The following LRP1B variants were observed in gnomAD, a reference collection of about 807,000 sequenced individuals.
LRP1B encodes low-density lipoprotein receptor-related protein 1B.
In LRP1B, 217 loss-of-function variants were observed where a neutral mutation model predicts 556.6. That is an observed-to-expected ratio of 0.39 (90% CI 0.35 to 0.44). The LOEUF is 0.44. LRP1B is among the 20% of genes least tolerant of loss of function. LRP1B has a pLI of 1.00. For missense variants in LRP1B, 5,053 were observed against 5,620.8 expected, an observed-to-expected ratio of 0.90 and a Z score of 3.23; for synonymous variants, 2,047 against 1,865.8, an observed-to-expected ratio of 1.10 and a Z score of -2.50.
chr2:140,498,935 ATAT>A (rs1689064592), intron 55 of LRP1B, among the ~76,000 whole-genome samples: 1 of 151,828 alleles, frequency 6.6e-6, no homozygotes, highest in Admixed American at 6.6e-5. Context: ...TAGGTGTTTT[ATAT>A]TATTAACTAG....
intron 25 of LRP1B, among the ~76,000 whole-genome samples, chr2:140,870,787 A>G (rs1016313941): frequency 2.6e-5 from 4 of 152,266 alleles, no homozygotes; most frequent in East Asian, 1.9e-4. Context: ...TTGCTAAATT[A>G]CCTTGTAAAA....
At chr2:141,534,834 C>A (rs1015470268) in intron 2 of LRP1B, among the ~76,000 whole-genome samples, 1 of 152,114 alleles carries the variant, frequency 6.6e-6, no homozygotes, top group African/African-American at 2.4e-5. Context: ...CACTTCAGGG[C>A]ATGGGGCTGA....
chr2:141,328,370 G>C (rs1490284060), intron 3 of LRP1B, among the ~76,000 whole-genome samples: 1 of 152,062 alleles, frequency 6.6e-6, no homozygotes, highest in Non-Finnish European at 1.5e-5. Context: ...ACTATCTATA[G>C]AACATTTAGA....
chr2:140,290,393 TAAG>T (rs1371584994), intron 84 of LRP1B, among the ~76,000 whole-genome samples: 3 of 152,052 alleles, frequency 2.0e-5, no homozygotes, highest in Non-Finnish European at 4.4e-5. Flanking sequence ...CAAGGGATGA[TAAG>T]AACCTGAATG....
At chr2:141,117,184 TAGAA>T (rs994513041) in intron 7 of LRP1B, among the ~76,000 whole-genome samples, 2 of 151,716 alleles carry the variant, frequency 1.3e-5, no homozygotes, top group Admixed American at 1.3e-4. Flanking sequence ...ATTTTATAAA[TAGAA>T]AGATAATATT....
intron 41 of LRP1B, among the ~76,000 whole-genome samples, chr2:140,634,933 A>G (rs1014405599): frequency 2.0e-5 from 3 of 152,148 alleles, no homozygotes; most frequent in African/African-American, 7.2e-5. Flanking sequence ...AATTAAAGAA[A>G]TCAAAGAAAA....
chr2:141,399,455 C>T (rs571063248), intron 3 of LRP1B, among the ~76,000 whole-genome samples: 1 of 152,232 alleles, frequency 6.6e-6, no homozygotes, highest in African/African-American at 2.4e-5. Context: ...TCCTCCCTTT[C>T]TGCAGAGCAT....
chr2:140,457,662 A>AT lies in LRP1B; in HGVS notation c.9626-12_9626-11insA. On this transcript the variant is annotated splice_polypyrimidine_tract_variant and intron_variant, in intron 60 of 90. Transcript: ENST00000389484. Reference sequence around the variant, plus strand: ...TATCTTGATTAGGGACTGTAATAGGAGATGGTAAGATTAATGTTCAGTCTT... The same window carrying AT: ...TATCTTGATTAGGGACTGTAATAGGATGATGGTAAGATTAATGTTCAGTCTT... The AT allele has an allele frequency of 6.2e-7, 1 of 1,602,026 alleles. No homozygotes were observed.
intron 2 of LRP1B, among the ~76,000 whole-genome samples, chr2:141,595,814 A>T: frequency 6.6e-6 from 1 of 152,064 alleles, no homozygotes; most frequent in East Asian, 1.9e-4. Flanking sequence ...AGCTCATGTC[A>T]GAAGAATATC....
At chr2:141,179,536 T>G (rs1031239200) in intron 7 of LRP1B, among the ~76,000 whole-genome samples, 6 of 152,010 alleles carry the variant, frequency 3.9e-5, no homozygotes, top group Admixed American at 3.9e-4. Context: ...CTGGGGTACA[T>G]TTTATCTGTA....
intron 2 of LRP1B, among the ~76,000 whole-genome samples, chr2:141,704,393 T>A (rs562337907): frequency 5.1e-4 from 77 of 152,098 alleles, no homozygotes; most frequent in African/African-American, 1.8e-3. Context: ...AAGTGCCTTC[T>A]CAATCATCAA....
intron 2 of LRP1B, among the ~76,000 whole-genome samples, chr2:141,543,228 G>A (rs1459756696): frequency 6.6e-6 from 1 of 151,898 alleles, no homozygotes; most frequent in Admixed American, 6.6e-5. Context: ...ATTATACAAG[G>A]CCAATCATGG....
rs1400004033 is a variant in LRP1B, at chr2:140,988,486, G to C, written c.2770+1046C>G. The stretch of plus-strand genomic sequence containing the variant: ...AGGACTCTGGAATGATGGCTGTTTT[G>C]CTCTTGCCAGTGTTGTTTTGTACAT... On this transcript the variant is annotated intron_variant, in intron 17 of 90. Coordinates refer to ENST00000389484, the MANE Select transcript of LRP1B (RefSeq NM_018557.3). Among the ~76,000 whole-genome samples, 6 of 152,114 alleles carry C rather than the reference G, an allele frequency of 3.9e-5. No homozygotes were observed. The South Asian group carries it at 1.2e-3, about 32-fold the overall frequency.
chr2:141,339,927 C>G (rs552902723), intron 3 of LRP1B, among the ~76,000 whole-genome samples: 2 of 152,104 alleles, frequency 1.3e-5, no homozygotes, highest in Non-Finnish European at 2.9e-5. Context: ...AGCTTTCACC[C>G]CCCTCCAAAC....
chr2:140,950,536 T>C, intron 19 of LRP1B, 134 bp from the exon 20 acceptor site: 3 of 605,642 alleles, frequency 5.0e-6, no homozygotes. Context: ...CAACCTGTAG[T>C]GCAGTGGCAC....
chr2:141,332,381 C>T (rs189808875), intron 3 of LRP1B, among the ~76,000 whole-genome samples: 294 of 151,468 alleles, frequency 1.9e-3, no homozygotes, highest in Non-Finnish European at 3.5e-3. Flanking sequence ...TACTCAATGA[C>T]CAATTTGCTA....
intron 32 of LRP1B, among the ~76,000 whole-genome samples, chr2:140,780,012 A>G (rs764072159): frequency 5.3e-5 from 8 of 151,794 alleles, no homozygotes; most frequent in Non-Finnish European, 8.8e-5. Flanking sequence ...AGAATAGAAG[A>G]CTCTGGGAGT....
intron 84 of LRP1B, among the ~76,000 whole-genome samples, chr2:140,291,606 C>T (rs979352164): frequency 1.6e-4 from 24 of 151,898 alleles, no homozygotes; most frequent in African/African-American, 5.5e-4. Context: ...TGATGGTTTC[C>T]AGCTTCTTCC....
At chr2:141,791,735 ACT>A (rs1695619179) in intron 2 of LRP1B, among the ~76,000 whole-genome samples, 1 of 152,014 alleles carries the variant, frequency 6.6e-6, no homozygotes, top group Non-Finnish European at 1.5e-5. Context: ...GACGTACAAC[ACT>A]CACAACAATT....
Sources: allele counts gnomAD v4.1 joint callset (sites outside exome capture counted in the v4.1 genomes callset), GRCh38; gene constraint gnomAD v4.1.1; transcripts MANE v1.5; gene names NCBI Gene and HGNC (gene_info 2026-07-23, HGNC 2026-07-21).